Variants in EFCAB6 observed in about 807,000 individuals in gnomAD.
EFCAB6 encodes EF-hand calcium-binding domain-containing protein 6.
Under a neutral mutation model 169.8 loss-of-function variants are expected in EFCAB6, and 156 were observed. That is an observed-to-expected ratio of 0.92 (90% CI 0.81 to 1.05). EFCAB6 has a LOEUF of 1.05. Among genes scored for constraint, EFCAB6 ranks in the 50% least tolerant of loss-of-function variants. The pLI, the probability that EFCAB6 is intolerant of heterozygous loss-of-function variation, is 0.00. For missense variants in EFCAB6, 1,800 were observed against 1,829.1 expected, an observed-to-expected ratio of 0.98 and a Z score of 0.29; for synonymous variants, 698 against 676.4, an observed-to-expected ratio of 1.03 and a Z score of -0.50.
intron 20 of EFCAB6, among the ~76,000 whole-genome samples, chr22:43,616,362 T>A (rs117479954): frequency 0.021 from 3,234 of 152,320 alleles, 51 homozygotes; most frequent in Non-Finnish European, 0.031. Flanking sequence ...AAGGTGAGGC[T>A]TGTAGGATTT....
chr22:43,544,485 T>G (rs927066), intron 27 of EFCAB6, among the ~76,000 whole-genome samples: 136,444 of 152,144 alleles, frequency 0.9, 61,464 homozygotes, highest in African/African-American at 0.97. Context: ...AGGAAGGAAT[T>G]AGCCCAGGTG....
At chr22:43,538,190 C>T (rs1444493306) in intron 28 of EFCAB6, among the ~76,000 whole-genome samples, 1 of 152,086 alleles carries the variant, frequency 6.6e-6, no homozygotes, top group Non-Finnish European at 1.5e-5. Flanking sequence ...CTTCCAGTTG[C>T]TCAGCCTGAA....
chr22:43,797,850 C>T (rs2148156702), intron 2 of EFCAB6, among the ~76,000 whole-genome samples: 1 of 152,340 alleles, frequency 6.6e-6, no homozygotes, highest in East Asian at 1.9e-4. Flanking sequence ...CTCAACCACA[C>T]TGGCAGTCCC....
intron 23 of EFCAB6, among the ~76,000 whole-genome samples, chr22:43,590,923 A>C (rs951311415): frequency 6.6e-6 from 1 of 151,922 alleles, no homozygotes; most frequent in African/African-American, 2.4e-5. Context: ...GTGGAGAGGG[A>C]CAGGGCCTTG....
chr22:43,769,964 C>T (rs537280552), intron 4 of EFCAB6, among the ~76,000 whole-genome samples: 1 of 152,128 alleles, frequency 6.6e-6, no homozygotes, highest in East Asian at 1.9e-4. Flanking sequence ...AAGCAATTCT[C>T]CCGCCTCAGC....
intron 27 of EFCAB6, chr22:43,553,400 T>C (rs1269707196): frequency 6.6e-6 from 1 of 152,312 alleles, no homozygotes; most frequent in Non-Finnish European, 1.5e-5. Flanking sequence ...AGAGGGCTTG[T>C]AGCTGTGCAT....
chr22:43,573,835 C>T (rs1456972211), intron 26 of EFCAB6, among the ~76,000 whole-genome samples: 1 of 151,452 alleles, frequency 6.6e-6, no homozygotes, highest in African/African-American at 2.4e-5. Flanking sequence ...AATGTATCAG[C>T]ATATTCCAAA....
intron 17 of EFCAB6, among the ~76,000 whole-genome samples, chr22:43,637,610 A>G (rs137735): frequency 0.55 from 84,090 of 152,084 alleles, 23,549 homozygotes; most frequent in East Asian, 0.77. Flanking sequence ...GTGCTGCCCA[A>G]GGAGACCGAG....
intron 17 of EFCAB6, among the ~76,000 whole-genome samples, chr22:43,659,182 C>T (rs1235192224): frequency 6.6e-6 from 1 of 152,218 alleles, no homozygotes; most frequent in Non-Finnish European, 1.5e-5. Flanking sequence ...GTATCTGTGA[C>T]TCTTACTGTT....
chr22:43,626,624 A>G lies in EFCAB6; in HGVS notation c.2288T>C (p.Met763Thr), dbSNP rs1021528111. 1.2e-6 allele frequency: 2 copies of G among 1,614,198 alleles called. No individual in the cohort carries two copies. The highest frequency in any genetic ancestry group is 1.7e-6 in the Non-Finnish European group (2 of 1,180,038). Residue 763 changes from methionine to threonine, a missense_variant, in exon 20 of 32, where the codon ATG becomes ACG. Transcript: ENST00000262726. ...TDADRDGIIN[M>T]HDLHRLLLHL... ...CAGGAGCAGTCTGTGAAGGTCATGC[A>G]TGTTGATTATGCCATCCCTGTCAGC...
intron 1 of EFCAB6, among the ~76,000 whole-genome samples, chr22:43,810,753 C>T (rs2063083445): frequency 6.6e-6 from 1 of 152,076 alleles, no homozygotes; most frequent in Non-Finnish European, 1.5e-5. Flanking sequence ...CTATCATGAA[C>T]CAAGCATTAA....
At chr22:43,659,001 A>G (rs894306163) in intron 17 of EFCAB6, among the ~76,000 whole-genome samples, 1 of 152,216 alleles carries the variant, frequency 6.6e-6, no homozygotes, top group African/African-American at 2.4e-5. Context: ...CGTGTGCTGA[A>G]TCTGACTAGG....
intron 2 of EFCAB6, among the ~76,000 whole-genome samples, chr22:43,801,560 T>G (rs1383796494): frequency 6.6e-6 from 1 of 152,166 alleles, no homozygotes; most frequent in African/African-American, 2.4e-5. Context: ...GTATGTAAAT[T>G]GAGACAATTA....
intron 10 of EFCAB6, among the ~76,000 whole-genome samples, chr22:43,691,995 T>G (rs375402881): frequency 2.0e-5 from 3 of 151,878 alleles, no homozygotes; most frequent in African/African-American, 7.3e-5. Context: ...AAAATAATAA[T>G]AAGTAGCCTT....
At position 43,742,222 on chromosome 22, in the gene EFCAB6, AAAG is replaced by A. The variant is rs372967679; in HGVS notation, c.508-6232_508-6230del. Among the ~76,000 whole-genome samples, 272 of 152,356 alleles carry A rather than the reference AAAG, an allele frequency of 1.8e-3. 9 individuals carry two copies. In the South Asian group the frequency reaches 0.054, roughly 30 times the overall value. On this transcript the variant is annotated intron_variant, in intron 6 of 31. Coordinates refer to ENST00000262726, the MANE Select transcript of EFCAB6 (RefSeq NM_022785.4). Reference sequence around the variant, plus strand: ...TTTTAAATGGTTGAAAAAGAAATCAAAAGAAGGCTAATATTTCATGACATGCGA... The same window carrying A: ...TTTTAAATGGTTGAAAAAGAAATCAAAAGGCTAATATTTCATGACATGCGA...
At chr22:43,661,683 G>T (rs1405669358) in intron 17 of EFCAB6, among the ~76,000 whole-genome samples, 1 of 152,182 alleles carries the variant, frequency 6.6e-6, no homozygotes, top group Non-Finnish European at 1.5e-5. Context: ...CCCCTAGTGA[G>T]CTCTGCCTCC....
intron 24 of EFCAB6, among the ~76,000 whole-genome samples, chr22:43,588,742 ATGGAT>A (rs1487515759): frequency 6.6e-6 from 1 of 152,180 alleles, no homozygotes; most frequent in East Asian, 1.9e-4. Context: ...ACGTGTCTCG[ATGGAT>A]TGGAAAGAGA....
chr22:43,660,422 T>C (rs1275904323), intron 17 of EFCAB6, among the ~76,000 whole-genome samples: 3 of 152,140 alleles, frequency 2.0e-5, no homozygotes, highest in Non-Finnish European at 4.4e-5. Flanking sequence ...TACATTTGCC[T>C]ACCTGATACA....
intron 10 of EFCAB6, among the ~76,000 whole-genome samples, chr22:43,688,144 G>A (rs762725966): frequency 6.6e-6 from 1 of 152,150 alleles, no homozygotes; most frequent in African/African-American, 2.4e-5. Flanking sequence ...GAAGTGTGAC[G>A]CTGGTGGCTT....
Sources: allele counts gnomAD v4.1 joint callset (sites outside exome capture counted in the v4.1 genomes callset), GRCh38; gene constraint gnomAD v4.1.1; transcripts MANE v1.5; gene names NCBI Gene and HGNC (gene_info 2026-07-23, HGNC 2026-07-21).